PLCE1: variants seen among roughly 807,000 people sequenced by gnomAD.
The protein encoded by PLCE1 is 1-phosphatidylinositol 4,5-bisphosphate phosphodiesterase epsilon-1.
A neutral mutation model predicts 242.8 loss-of-function variants in PLCE1; 119 were observed. That is an observed-to-expected ratio of 0.49 (90% confidence interval 0.42 to 0.57). PLCE1 has a LOEUF of 0.57. PLCE1 is among the 20% of genes least tolerant of loss of function. The pLI is 0.00. For synonymous variants in PLCE1, 945 were observed against 1,017.4 expected (o/e 0.93, Z 1.35); for missense variants, 2,441 against 2,788.8 (o/e 0.88, Z 2.81).
In PLCE1 at chr10:94,032,003, G is replaced by C. The variant is rs573916830; in HGVS notation, c.957G>C (p.Lys319Asn). Residue 319 changes from lysine (K) to asparagine (N), a missense_variant, in exon 2 of 33, where the codon AAG becomes AAC. Coordinates refer to ENST00000371380, the MANE Select transcript of PLCE1 (RefSeq NM_016341.4). The stretch of plus-strand genomic sequence containing the variant: ...AAGAAGACGCTTTTAAAAGCAAAAA[G>C]GAGCGATCCACTTTGTTAGTCAGGA... ...DVEEDAFKSK[K>N]ERSTLLVRRF... is the part of the protein sequence containing the mutation. The C allele has an allele frequency of 1.0e-4, 165 of 1,613,788 alleles. 1 individual carries two copies. The South Asian group carries it at 1.8e-3, about 17-fold the overall frequency.
chr10:94,201,985 T>C (rs796729836), intron 4 of PLCE1, among the ~76,000 whole-genome samples: 19 of 152,268 alleles, frequency 1.2e-4, no homozygotes, highest in African/African-American at 4.6e-4. Flanking sequence ...ATTCAAAATA[T>C]GAGGCACAAA....
chr10:94,296,258 C>T (rs1454059321), intron 23 of PLCE1, among the ~76,000 whole-genome samples: 1 of 150,950 alleles, frequency 6.6e-6, no homozygotes, highest in African/African-American at 2.4e-5. Flanking sequence ...CCCAGCTACT[C>T]AGGAGGCTGA....
At chr10:94,074,449 C>A (rs1564665169) in intron 2 of PLCE1, among the ~76,000 whole-genome samples, 1 of 152,140 alleles carries the variant, frequency 6.6e-6, no homozygotes, top group Non-Finnish European at 1.5e-5. Context: ...AAGCTATCCT[C>A]CAAAGTGGTT....
chr10:94,117,958 C>T (rs984580985), intron 2 of PLCE1, among the ~76,000 whole-genome samples: 5 of 152,158 alleles, frequency 3.3e-5, no homozygotes, highest in African/African-American at 9.7e-5. Context: ...AAAACACTGT[C>T]GCCTGATTGT....
Position 94,328,202 on chromosome 10 carries a change from G to A in PLCE1, c.*259G>A, listed in dbSNP as rs920194264. On this transcript the variant is annotated 3_prime_UTR_variant, in exon 33 of 33. Transcript: ENST00000371380. ...TGTCAGCAGTTGGAAAAATCGTCAC[G>A]AATTGACTTAGAGCAAGGGTCAGCA... 4.8e-5 allele frequency: 15 copies of A among 314,208 alleles called. No homozygotes were observed. The highest frequency in any genetic ancestry group is 2.3e-4 in the East Asian group (3 of 13,094). 19.5% of individuals were successfully genotyped at this position (314,208 alleles called of 1,614,324 possible).
rs1263315300 is a variant in PLCE1, at chr10:94,080,474, C to A, written c.1206+48222C>A. Reference sequence around the variant, plus strand: ...ATTGGACATGCTATTAGCCCAGGGACCAAGTAAAATGTTTCATTTCAGTGC... The same window carrying A: ...ATTGGACATGCTATTAGCCCAGGGAACAAGTAAAATGTTTCATTTCAGTGC... On this transcript the variant is annotated intron_variant, in intron 2 of 32. Coordinates refer to ENST00000371380, the MANE Select transcript of PLCE1 (RefSeq NM_016341.4). 2.6e-5 allele frequency among the ~76,000 whole-genome samples: 4 copies of A among 152,300 alleles called. No homozygotes were observed. The East Asian group carries it at 7.7e-4, about 29-fold the overall frequency.
intron 4 of PLCE1, among the ~76,000 whole-genome samples, chr10:94,179,863 G>T (rs2048252987): frequency 6.6e-6 from 1 of 150,436 alleles, no homozygotes; most frequent in Admixed American, 6.6e-5. Context: ...CTTTATATGA[G>T]TATTCAGAGA....
At chr10:94,034,197 A>C (rs1470951939) in intron 2 of PLCE1, among the ~76,000 whole-genome samples, 1 of 152,164 alleles carries the variant, frequency 6.6e-6, no homozygotes, top group Admixed American at 6.6e-5. Context: ...CCATGATTCA[A>C]TTATCTCCAC....
chr10:94,149,094 A>T (rs982390220), intron 3 of PLCE1, among the ~76,000 whole-genome samples: 3 of 152,202 alleles, frequency 2.0e-5, no homozygotes, highest in African/African-American at 7.2e-5. Flanking sequence ...ATGAAATGTA[A>T]TGAAAATTAG....
intron 32 of PLCE1, among the ~76,000 whole-genome samples, chr10:94,326,597 ACTT>A (rs1442481584): frequency 8.5e-5 from 13 of 152,212 alleles, no homozygotes; most frequent in African/African-American, 2.7e-4. Context: ...CTACAAGATT[ACTT>A]CTTAAGTACA....
At chr10:94,082,152 C>T (rs112164200) in intron 2 of PLCE1, 7 of 152,110 alleles carry the variant, frequency 4.6e-5, no homozygotes, top group Non-Finnish European at 1.0e-4. Context: ...AACTGCAATG[C>T]CTTCCTTCCC....
At chr10:94,252,531 C>A (rs776894436) in intron 9 of PLCE1, 33 bp downstream of exon 9, 7 of 1,568,182 alleles carry the variant, frequency 4.5e-6, no homozygotes, top group Middle Eastern at 2.1e-4. Flanking sequence ...AGCATTAAAC[C>A]CATCTTCCAG....
chr10:94,170,994 G>A (rs2047956559), intron 3 of PLCE1, among the ~76,000 whole-genome samples, 186 bp from the exon 4 acceptor site: 1 of 152,108 alleles, frequency 6.6e-6, no homozygotes, highest in Admixed American at 6.6e-5. Context: ...ACCTCATTAG[G>A]TGACTAGAAG....
chr10:94,297,008 C>T lies in PLCE1; in HGVS notation c.5168-1371C>T, dbSNP rs569802949. ...CCTGCCTCAGCCTCCTGAGTAGCTG[C>T]GATGACAGGCGCGTGTGCCTGGCTA... On this transcript the variant is annotated intron_variant, in intron 23 of 32. Transcript: ENST00000371380. 2.0e-4 allele frequency among the ~76,000 whole-genome samples: 31 copies of T among 152,034 alleles called. 2 individuals carry two copies. In the Middle Eastern group the frequency reaches 0.01, roughly 50 times the overall value.
At chr10:94,034,274 C>T (rs2061622510) in intron 2 of PLCE1, among the ~76,000 whole-genome samples, 1 of 152,164 alleles carries the variant, frequency 6.6e-6, no homozygotes, top group Non-Finnish European at 1.5e-5. Context: ...GGACACAGCC[C>T]AACCATTTGA....
At chr10:94,239,460 G>A (rs975508020) in intron 7 of PLCE1, among the ~76,000 whole-genome samples, 2 of 152,178 alleles carry the variant, frequency 1.3e-5, no homozygotes, top group Non-Finnish European at 2.9e-5. Flanking sequence ...CACCATGATT[G>A]TAAGTTTCCT....
intron 24 of PLCE1, 67 bp from the exon 25 acceptor site, chr10:94,304,415 T>G: frequency 7.0e-7 from 1 of 1,419,714 alleles, no homozygotes; most frequent in Non-Finnish European, 1.0e-6. Context: ...AACTTTCAAT[T>G]TATAAGGTGA....
intron 7 of PLCE1, among the ~76,000 whole-genome samples, chr10:94,243,340 A>C (rs2050572882): frequency 6.6e-6 from 1 of 152,210 alleles, no homozygotes; most frequent in South Asian, 2.1e-4. Flanking sequence ...AGAGCACCTA[A>C]AACAAGGAGA....
chr10:94,031,320 G>A lies in PLCE1; in HGVS notation c.274G>A (p.Glu92Lys), dbSNP rs1486921056. The change falls in exon 2 of 33, where the codon GAG becomes AAG. Residue 92 changes from glutamate (E) to lysine (K), a missense_variant. Glu to Lys is a moderately conservative substitution (Grantham distance 56). Around this residue, in one of 5 missense-constraint regions of PLCE1, gnomAD observed 393 missense variants for 378.5 expected, o/e 1.04. Coordinates refer to ENST00000371380, the MANE Select transcript of PLCE1 (RefSeq NM_016341.4). ...TGAGAACAGTAATGAAAAATGTTGG[G>A]AGAAAATCATGCCAGATTCTGCGAA... ...SDENSNEKCWEKIMPDSAKNL... is the reference protein window; with the variant it reads ...SDENSNEKCWKKIMPDSAKNL... The A allele has an allele frequency of 6.2e-7, 1 of 1,613,814 alleles. No individual in the cohort carries two copies. The highest frequency in any genetic ancestry group is 8.5e-7 in the Non-Finnish European group (1 of 1,179,886).
Sources: allele counts gnomAD v4.1 joint callset (sites outside exome capture counted in the v4.1 genomes callset), GRCh38; gene constraint gnomAD v4.1.1; regional missense constraint gnomAD v4.1.1; transcripts MANE v1.5; gene names NCBI Gene and HGNC (gene_info 2026-07-23, HGNC 2026-07-21).